Variants in ARHGAP20 observed in about 807,000 individuals in gnomAD.
ARHGAP20 encodes the protein rho GTPase-activating protein 20.
Under a neutral mutation model 73.7 loss-of-function variants are expected in ARHGAP20, and 34 were observed. The observed-to-expected ratio is 0.46, with a 90% CI of 0.35 to 0.61. The LOEUF (loss-of-function observed/expected upper bound fraction) is 0.61, where lower values mean the gene tolerates loss of function less well. Ranked by LOEUF, ARHGAP20 falls within the 20% of genes least tolerant of loss-of-function variation. The pLI, the probability that ARHGAP20 is intolerant of heterozygous loss-of-function variation, is 0.00. For missense variants in ARHGAP20, 1,314 were observed against 1,420.9 expected (o/e 0.92, Z 1.21); for synonymous variants, 523 against 518.2 (o/e 1.01, Z -0.13).
At chr11:110,631,059 A>G (rs1454527694) in intron 2 of ARHGAP20, among the ~76,000 whole-genome samples, 7 of 152,176 alleles carry the variant, frequency 4.6e-5, no homozygotes, top group Non-Finnish European at 8.8e-5. Context: ...CCAAATACCT[A>G]TCCAACCATC....
intron 1 of ARHGAP20, among the ~76,000 whole-genome samples, chr11:110,699,320 C>A (rs537308321): frequency 1.7e-4 from 26 of 151,922 alleles, no homozygotes; most frequent in South Asian, 8.3e-4. Flanking sequence ...TCTTTAATGG[C>A]CAAGCATATG....
At chr11:110,669,940 G>A (rs976222517) in intron 2 of ARHGAP20, among the ~76,000 whole-genome samples, 2 of 152,048 alleles carry the variant, frequency 1.3e-5, no homozygotes, top group Non-Finnish European at 2.9e-5. Flanking sequence ...GAAATAAAGA[G>A]GTTTTGGTAT....
At chr11:110,652,850 T>C (rs981590570) in intron 2 of ARHGAP20, among the ~76,000 whole-genome samples, 2 of 152,070 alleles carry the variant, frequency 1.3e-5, no homozygotes, top group Admixed American at 6.6e-5. Flanking sequence ...CAAAACAGTA[T>C]GGTACTGGCA....
At chr11:110,612,341 T>C (rs972447948) in intron 6 of ARHGAP20, among the ~76,000 whole-genome samples, 3 of 151,122 alleles carry the variant, frequency 2.0e-5, no homozygotes, top group Non-Finnish European at 4.4e-5. Flanking sequence ...GGCAGGAGAA[T>C]GGCTTGAACC....
Position 110,614,649 on chromosome 11 carries a change from A to C in ARHGAP20, c.546-4T>G. 6.3e-7 allele frequency: 1 copy of C among 1,595,044 alleles called. No individual in the cohort carries two copies. The highest frequency in any genetic ancestry group is 1.4e-5 in the African/African-American group (1 of 74,052). ...TTCTTTCTCTAGATTGATGTATCTA[A>C]TCAAATGCAACAGCAACCCAAAACA... is the stretch of plus-strand genomic sequence containing the variant. On this transcript the variant is annotated splice_region_variant and splice_polypyrimidine_tract_variant and intron_variant, in intron 5 of 14. Coordinates refer to ENST00000683387, the MANE Select transcript of ARHGAP20 (RefSeq NM_001384657.1).
rs577627050 is a variant in ARHGAP20, at chr11:110,648,253, A to AC, written c.189-17462_189-17461insG. Among the ~76,000 whole-genome samples the AC allele has an allele frequency of 5.2e-3, 443 of 85,366 alleles. 5 individuals carry two copies. The highest frequency in any genetic ancestry group is 0.017 in the African/African-American group (406 of 23,278). The allele number at this position is 85,366 out of a possible 152,430, so 56.0% of individuals were successfully genotyped here. On this transcript the variant is annotated intron_variant, in intron 2 of 14. Coordinates refer to ENST00000683387, the MANE Select transcript of ARHGAP20 (RefSeq NM_001384657.1). ...TATATATATGTAAATATATATATGT[A>AC]AATATATATATGTAAATATATATAT... is the stretch of plus-strand genomic sequence containing the variant.
Position 110,577,701 on chromosome 11 carries a change from A to G in ARHGAP20, c.*1669T>C. On this transcript the variant is annotated 3_prime_UTR_variant, in exon 15 of 15. Transcript: ENST00000683387. ...CTTCACATCTGTGACTCAGATGGCC[A>G]GTGTCACGAAGTAGCTCTTTGGATA... The G allele has an allele frequency of 1.0e-6, 1 of 985,896 alleles. No homozygotes were observed. Among genetic ancestry groups the G allele is most frequent in the Admixed American group, 6.1e-5 (1 of 16,292 alleles). 61.1% of individuals were successfully genotyped at this position (985,896 alleles called of 1,614,324 possible).
At chr11:110,682,093 C>T (rs1950047803) in intron 2 of ARHGAP20, among the ~76,000 whole-genome samples, 1 of 152,102 alleles carries the variant, frequency 6.6e-6, no homozygotes, top group South Asian at 2.1e-4. Context: ...TTAGGTCAGA[C>T]CTAGAAATAT....
intron 1 of ARHGAP20, among the ~76,000 whole-genome samples, chr11:110,696,316 A>T (rs2135129649): frequency 6.6e-6 from 1 of 151,778 alleles, no homozygotes; most frequent in African/African-American, 2.4e-5. Context: ...ATTGTATGGT[A>T]TGCAAATTGA....
At chr11:110,617,989 C>T (rs944606079) in intron 4 of ARHGAP20, among the ~76,000 whole-genome samples, 1 of 152,016 alleles carries the variant, frequency 6.6e-6, no homozygotes, top group African/African-American at 2.4e-5. Context: ...TTAAGGTGCC[C>T]TAAGGAAACA....
chr11:110,670,624 A>C (rs963617468), intron 2 of ARHGAP20, among the ~76,000 whole-genome samples: 14 of 152,226 alleles, frequency 9.2e-5, no homozygotes, highest in African/African-American at 3.4e-4. Flanking sequence ...GATAAATTCT[A>C]CCCAACATTT....
At chr11:110,649,155 G>T (rs138325818) in intron 2 of ARHGAP20, among the ~76,000 whole-genome samples, 1 of 144,646 alleles carries the variant, frequency 6.9e-6, no homozygotes, top group East Asian at 2.1e-4. Context: ...ACAGTAAAGA[G>T]AAACAATTTT....
intron 2 of ARHGAP20, among the ~76,000 whole-genome samples, chr11:110,666,648 C>A (rs1949729755): frequency 2.0e-5 from 3 of 152,204 alleles, no homozygotes; most frequent in Admixed American, 6.5e-5. Context: ...GCAAGTCTAT[C>A]AGCACCATTT....
chr11:110,691,304 G>T (rs1950238247), intron 1 of ARHGAP20, among the ~76,000 whole-genome samples: 1 of 151,968 alleles, frequency 6.6e-6, no homozygotes, highest in Admixed American at 6.6e-5. Flanking sequence ...TCTAAATTTA[G>T]TCTTATATAT....
At chr11:110,596,365 A>G (rs7396814) in intron 9 of ARHGAP20, among the ~76,000 whole-genome samples, 73,618 of 146,286 alleles carry the variant, frequency 0.5, 20,079 homozygotes, top group African/African-American at 0.72. Flanking sequence ...GCAACCTACA[A>G]AATGGGAGAA....
chr11:110,671,654 C>CA (rs796553319), intron 2 of ARHGAP20, among the ~76,000 whole-genome samples: 17 of 151,748 alleles, frequency 1.1e-4, no homozygotes, highest in Non-Finnish European at 1.9e-4. Flanking sequence ...AGGTCAATAA[C>CA]AAAAAAATCA....
At chr11:110,709,407 T>A (rs915530032) in intron 1 of ARHGAP20, among the ~76,000 whole-genome samples, 13 of 152,234 alleles carry the variant, frequency 8.5e-5, no homozygotes, top group Non-Finnish European at 1.6e-4. Context: ...AGGTCCCTAT[T>A]ATCATAGTTT....
intron 3 of ARHGAP20, 111 bp from the exon 4 acceptor site, chr11:110,624,422 A>G (rs1948692903): frequency 1.2e-6 from 1 of 804,732 alleles, no homozygotes; most frequent in Non-Finnish European, 1.9e-6. Flanking sequence ...ACAGAAAACC[A>G]AATACTGCAT....
At chr11:110,676,590 TG>T (rs528352335) in intron 2 of ARHGAP20, among the ~76,000 whole-genome samples, 115 of 152,296 alleles carry the variant, frequency 7.6e-4, no homozygotes, top group African/African-American at 2.4e-3. Context: ...GTGGGGATTA[TG>T]GGAACTACAA....
Sources: allele counts gnomAD v4.1 joint callset (sites outside exome capture counted in the v4.1 genomes callset), GRCh38; gene constraint gnomAD v4.1.1; transcripts MANE v1.5; gene names NCBI Gene and HGNC (gene_info 2026-07-23, HGNC 2026-07-21).